CCR7: variants seen among roughly 807,000 people sequenced by gnomAD.
The protein encoded by CCR7 is C-C chemokine receptor type 7.
Under a neutral mutation model 26.0 loss-of-function variants are expected in CCR7, and 11 were observed. The observed-to-expected ratio is 0.42, with a 90% confidence interval of 0.27 to 0.70. CCR7 has a LOEUF of 0.70. Among genes scored for constraint, CCR7 ranks in the 30% least tolerant of loss-of-function variants. The pLI is 0.23. For missense variants in CCR7, 360 were observed against 504.0 expected (o/e 0.71, Z 2.74); for synonymous variants, 189 against 202.1 (o/e 0.94, Z 0.55).
rs2036575032 is a variant in CCR7 at position 40,555,526 on chromosome 17, G to A, written c.353C>T (p.Ala118Val). 1.2e-6 allele frequency: 2 copies of A among 1,614,110 alleles called. No homozygotes were observed. The highest frequency in any genetic ancestry group is 8.5e-7 in the Non-Finnish European group (1 of 1,180,030). ...LLTLPFWAYS[A>V]AKSWVFGVHF... ...GACACCGAAGACCCAGGACTTGGCC[G>A]CGCTGTAGGCCCAGAAGGGAAGGGT... is the stretch of plus-strand genomic sequence containing the variant. Residue 118 changes from alanine (A) to valine (V), a missense_variant, in exon 3 of 3, where the codon GCG becomes GTG. Coordinates refer to ENST00000246657, the MANE Select transcript of CCR7 (RefSeq NM_001838.4). This position sits in a 1 kb window ranked among gnomAD's most constrained non-coding sequence, Gnocchi z 5.6.
chr17:40,555,800 C>T lies in CCR7; in HGVS notation c.79G>A (p.Glu27Lys). ...VIFQVCLCQD[E>K]VTDDYIGDNT... ...TCTCCGATGTAATCGTCCGTGACCT[C>T]ATCTTGACACAGGCATACCTTCGGG... is the stretch of plus-strand genomic sequence containing the variant. The change falls in exon 3 of 3, where the codon GAG (glutamate) becomes AAG (lysine). Residue 27 changes from glutamate to lysine, a missense_variant. Coordinates refer to ENST00000246657, the MANE Select transcript of CCR7 (RefSeq NM_001838.4). The surrounding 1 kb of genome is among the most constrained non-coding windows in gnomAD (Gnocchi z 5.6). 6.2e-7 allele frequency: 1 copy of T among 1,613,070 alleles called. No homozygotes were observed. Among genetic ancestry groups the T allele is most frequent in the Non-Finnish European group, 8.5e-7 (1 of 1,179,200 alleles).
chr17:40,554,319 C>A lies in CCR7; in HGVS notation c.*423G>T. 6.2e-6 allele frequency: 1 copy of A among 162,182 alleles called. No individual in the cohort carries two copies. Among genetic ancestry groups the A allele is most frequent in the Non-Finnish European group, 1.3e-5 (1 of 74,438 alleles). The allele number at this position is 162,182 out of a possible 1,614,324, so 10.0% of individuals were successfully genotyped here. ...CTATCTCTGGTCTTGGAGATAAGGC[C>A]TGGTTTTCGGAAGAGCTGGTCTGAG... On this transcript the variant is annotated 3_prime_UTR_variant, in exon 3 of 3. Transcript: ENST00000246657.
chr17:40,558,891 A>G lies in CCR7; in HGVS notation c.60+2T>C, dbSNP rs1418770247. 6.2e-7 allele frequency: 1 copy of G among 1,613,494 alleles called. No homozygotes were observed. Among genetic ancestry groups the G allele is most frequent in the Non-Finnish European group, 8.5e-7 (1 of 1,179,526 alleles). ...AGAGCTTTCCTTGGCAGAGAACCTC[A>G]CCTGGAAAATGACAAGGAGAGCCAC... On this transcript the variant is annotated splice_donor_variant, in intron 2 of 2. Coordinates refer to ENST00000246657, the MANE Select transcript of CCR7 (RefSeq NM_001838.4). LOFTEE classifies it high-confidence loss of function.
At position 40,562,531 on chromosome 17, in the gene CCR7, C is replaced by T. The variant is rs148526498; in HGVS notation, c.10+2869G>A. On this transcript the variant is annotated intron_variant, in intron 1 of 2. Transcript: ENST00000246657. ...TCTGTTCTGACACGGGCTTTGCTGC[C>T]TCTTTGCTGCCACAGAACTCCTTCC... 4.0e-3 allele frequency among the ~76,000 whole-genome samples: 606 copies of T among 152,330 alleles called. 6 individuals carry two copies. Among genetic ancestry groups the T allele is most frequent in the African/African-American group, 0.013 (541 of 41,566 alleles).
Position 40,553,921 on chromosome 17 carries a change from C to G in CCR7, c.*821G>C, listed in dbSNP as rs1228117386. 1 of 152,104 alleles carries G rather than the reference C, an allele frequency of 6.6e-6. No individual in the cohort carries two copies. Among genetic ancestry groups the G allele is most frequent in the Non-Finnish European group, 1.5e-5 (1 of 68,018 alleles). 9.4% of individuals were successfully genotyped at this position (152,104 alleles called of 1,614,324 possible). ...GGTTTTCAGTCCCTGTGACAAAGAA[C>G]AAAGAACAAGCTCGTGGGCCTTGGG... On this transcript the variant is annotated 3_prime_UTR_variant, in exon 3 of 3. Transcript: ENST00000246657.
chr17:40,558,256 T>A (rs1567829921), intron 2 of CCR7, among the ~76,000 whole-genome samples: 1 of 152,172 alleles, frequency 6.6e-6, no homozygotes, highest in Admixed American at 6.5e-5. Flanking sequence ...GAGGCACACT[T>A]TCTGTCTGTT....
chr17:40,559,024 T>C (rs1482952790), intron 1 of CCR7, 82 bp from the exon 2 acceptor site: 8 of 1,150,106 alleles, frequency 7.0e-6, no homozygotes, highest in South Asian at 1.5e-5. Flanking sequence ...GGGGAGACGC[T>C]GTTGGGAACT....
chr17:40,561,735 C>T (rs978623970), intron 1 of CCR7, among the ~76,000 whole-genome samples: 6 of 152,168 alleles, frequency 3.9e-5, no homozygotes, highest in African/African-American at 1.2e-4. Context: ...GCCCCAAGAG[C>T]GACCCCAAGC....
Position 40,556,908 on chromosome 17 carries a change from C to T in CCR7, c.61-1090G>A, listed in dbSNP as rs143086858. On this transcript the variant is annotated intron_variant, in intron 2 of 2. Coordinates refer to ENST00000246657, the MANE Select transcript of CCR7 (RefSeq NM_001838.4). ...ATGGGTGGTGGGTGACCTGGAGAGACTCTAGATCCTGGGTCCCCTCTTAGC... is the reference window on the plus strand; with the variant it reads ...ATGGGTGGTGGGTGACCTGGAGAGATTCTAGATCCTGGGTCCCCTCTTAGC... Among the ~76,000 whole-genome samples, 405 of 152,240 alleles carry T rather than the reference C, an allele frequency of 2.7e-3. 3 individuals carry two copies. Among genetic ancestry groups the T allele is most frequent in the African/African-American group, 9.2e-3 (382 of 41,518 alleles).
In CCR7 at chr17:40,557,524, C is replaced by T. The variant is rs893248454; in HGVS notation, c.60+1369G>A. Among the ~76,000 whole-genome samples, 9 of 152,328 alleles carry T rather than the reference C, an allele frequency of 5.9e-5. No individual in the cohort carries two copies. In the East Asian group the frequency reaches 1.2e-3, roughly 20 times the overall value. On this transcript the variant is annotated intron_variant, in intron 2 of 2. Transcript: ENST00000246657. The stretch of plus-strand genomic sequence containing the variant: ...TTCTTTGGCCATTGCTAGCCTGAGA[C>T]GAAAAGTCAGTGGCAACCCCTCTTC...
chr17:40,557,800 C>T (rs541841614), intron 2 of CCR7, among the ~76,000 whole-genome samples: 5 of 152,224 alleles, frequency 3.3e-5, no homozygotes, highest in Non-Finnish European at 7.3e-5. Flanking sequence ...CTCTGCAGCC[C>T]ACAGCCCCAC....
intron 1 of CCR7, among the ~76,000 whole-genome samples, chr17:40,564,356 G>A (rs937402535): frequency 9.2e-5 from 14 of 152,188 alleles, no homozygotes; most frequent in African/African-American, 2.2e-4. Context: ...CAGGGCAGGC[G>A]GGAAAGTAAG....
Position 40,554,689 on chromosome 17 carries a change from C to T in CCR7, c.*53G>A. The T allele has an allele frequency of 7.1e-7, 1 of 1,417,266 alleles. No homozygotes were observed. The highest frequency in any genetic ancestry group is 9.6e-7 in the Non-Finnish European group (1 of 1,037,600). The allele number at this position is 1,417,266 out of a possible 1,614,324, so 87.8% of individuals were successfully genotyped here. A position where few individuals can be genotyped will look rare whatever the true frequency, so the allele number is the denominator to read the frequency against. ...CTGAGTCATTGCATCTGCTCCCTATCCCCACCCCAGGGACCCTGGGAGAGG... is the reference window on the plus strand; with the variant it reads ...CTGAGTCATTGCATCTGCTCCCTATTCCCACCCCAGGGACCCTGGGAGAGG... On this transcript the variant is annotated 3_prime_UTR_variant, in exon 3 of 3. Transcript: ENST00000246657.
chr17:40,556,978 C>T (rs1201322842), intron 2 of CCR7, among the ~76,000 whole-genome samples: 1 of 152,166 alleles, frequency 6.6e-6, no homozygotes, highest in Non-Finnish European at 1.5e-5. Flanking sequence ...GCCATAAACT[C>T]CGTGAATGGA....
At chr17:40,565,224 G>A (rs2036696927) in intron 1 of CCR7, among the ~76,000 whole-genome samples, 176 bp downstream of exon 1, 1 of 152,036 alleles carries the variant, frequency 6.6e-6, no homozygotes, top group Non-Finnish European at 1.5e-5. Flanking sequence ...CACCCCTCCT[G>A]GGACAGCAGG....
rs745429045 is a variant in CCR7, at chr17:40,555,666, C to T, written c.213G>A (p.Val71=). Residue 71 remains valine, a synonymous_variant, in exon 3 of 3, where the codon GTG becomes GTA. Coordinates refer to ENST00000246657, the MANE Select transcript of CCR7 (RefSeq NM_001838.4). The surrounding 1 kb of genome is among the most constrained non-coding windows in gnomAD (Gnocchi z 5.6). The stretch of plus-strand genomic sequence containing the variant: ...CGACCAGCCCATTGCCCAGTAGGCC[C>T]ACGAAACAAATGATGGAGTACATGA... The part of the protein sequence containing the change: ...LPIMYSIICF[V]GLLGNGLVVL... 2.7e-5 allele frequency: 44 copies of T among 1,614,106 alleles called. No homozygotes were observed. Among genetic ancestry groups the T allele is most frequent in the Non-Finnish European group, 3.6e-5 (43 of 1,180,022 alleles).
At chr17:40,560,024 G>A (rs560688751) in intron 1 of CCR7, among the ~76,000 whole-genome samples, 2 of 152,290 alleles carry the variant, frequency 1.3e-5, no homozygotes, top group African/African-American at 4.8e-5. Flanking sequence ...TTTGGGAAGC[G>A]ACGTGTTCTG....
At chr17:40,563,456 G>T (rs1292418560) in intron 1 of CCR7, among the ~76,000 whole-genome samples, 2 of 152,076 alleles carry the variant, frequency 1.3e-5, no homozygotes, top group Admixed American at 1.3e-4. Context: ...GGTGGGGAGG[G>T]TGCCTCAGAG....
intron 1 of CCR7, among the ~76,000 whole-genome samples, chr17:40,559,716 T>C (rs1320627783): frequency 1.3e-5 from 2 of 152,130 alleles, no homozygotes; most frequent in Non-Finnish European, 2.9e-5. Flanking sequence ...ATTGAGGAGG[T>C]GCCCCACAAT....
Sources: gnomAD v4.1 joint callset for allele counts (sites outside exome capture counted in the v4.1 genomes callset) on GRCh38, gnomAD v4.1.1 for gene constraint, Gnocchi (gnomAD v3.1) non-coding constraint, MANE v1.5 for transcripts, NCBI Gene and HGNC (gene_info 2026-07-23, HGNC 2026-07-21) for gene names.